SLA: variants seen among roughly 807,000 people sequenced by gnomAD.
SLA encodes src-like-adapter.
A neutral mutation model predicts 30.3 loss-of-function variants in SLA; 16 were observed. The ratio of observed to expected loss-of-function variants is 0.53; its 90% CI spans 0.36 to 0.80. The LOEUF (loss-of-function observed/expected upper bound fraction) is 0.80, where lower values mean the gene tolerates loss of function less well. Ranked by LOEUF, SLA falls within the 30% of genes least tolerant of loss-of-function variation. The probability of loss-of-function intolerance (pLI) is 0.01; values close to 1 mark genes in which losing one functional copy is unlikely to be tolerated. For synonymous variants in SLA, 143 were observed against 137.8 expected (o/e 1.04, Z -0.26); for missense variants, 310 against 345.2 (o/e 0.90, Z 0.81).
At chr8:133,084,168 A>C (rs1002543886) in intron 1 of SLA, among the ~76,000 whole-genome samples, 2 of 152,180 alleles carry the variant, frequency 1.3e-5, no homozygotes, top group Non-Finnish European at 2.9e-5. Context: ...GAAGCAAAGA[A>C]AGGAGGGACG....
At chr8:133,044,040 T>C (rs34930402) in intron 7 of SLA, among the ~76,000 whole-genome samples, 11,080 of 152,176 alleles carry the variant, frequency 0.073, 591 homozygotes, top group Admixed American at 0.16. Flanking sequence ...CACGGTGTCC[T>C]TGGGAGGGGG....
intron 2 of SLA, among the ~76,000 whole-genome samples, chr8:133,074,300 A>G (rs1489972650): frequency 6.6e-6 from 1 of 152,092 alleles, no homozygotes. Flanking sequence ...AAGTAGCGCT[A>G]TTGCAATCCC....
chr8:133,102,581 T>A lies in SLA; in HGVS notation c.-347A>T. 1 of 1,551,366 alleles carries A rather than the reference T, an allele frequency of 6.4e-7. No individual in the cohort carries two copies. Among genetic ancestry groups the A allele is most frequent in the Non-Finnish European group, 8.7e-7 (1 of 1,146,656 alleles). On this transcript the variant is annotated 5_prime_UTR_variant, in exon 1 of 9. Coordinates refer to ENST00000338087, the MANE Select transcript of SLA (RefSeq NM_001045556.3). The stretch of plus-strand genomic sequence containing the variant: ...TGGAGCATCAGGGCTGCCTGAGATG[T>A]TCTCCATTCGCAGCAAATGATCTTA...
chr8:133,081,150 G>A (rs115726436), intron 1 of SLA, among the ~76,000 whole-genome samples: 1,908 of 152,336 alleles, frequency 0.013, 33 homozygotes, highest in African/African-American at 0.043. Flanking sequence ...AGCGCAAGGC[G>A]CATAGGACGG....
intron 7 of SLA, among the ~76,000 whole-genome samples, chr8:133,043,843 C>T (rs1039873161): frequency 6.6e-6 from 1 of 152,226 alleles, no homozygotes; most frequent in African/African-American, 2.4e-5. Context: ...GTCAAGCATC[C>T]TGAACCCAGA....
rs563911218 is a variant in SLA, at chr8:133,058,491, C to G, written c.61+1609G>C. ...GAGACTGATGTTTTCATGAGGTTCGCTCAAGCATGCTGCCCCCTCTGCCCC... is the reference window on the plus strand; with the variant it reads ...GAGACTGATGTTTTCATGAGGTTCGGTCAAGCATGCTGCCCCCTCTGCCCC... On this transcript the variant is annotated intron_variant, in intron 3 of 8. Coordinates refer to ENST00000338087, the MANE Select transcript of SLA (RefSeq NM_001045556.3). Among the ~76,000 whole-genome samples, 42 of 152,360 alleles carry G rather than the reference C, an allele frequency of 2.8e-4. No individual in the cohort carries two copies. The South Asian group carries it at 8.7e-3, about 32-fold the overall frequency.
chr8:133,090,115 C>G (rs1847251980), intron 1 of SLA: 1 of 152,294 alleles, frequency 6.6e-6, no homozygotes, highest in Admixed American at 6.5e-5. Context: ...ACTCACTTTG[C>G]CTGGAATAAA....
In SLA at chr8:133,045,011, G is replaced by T. The variant is rs763946614; in HGVS notation, c.457C>A (p.Leu153Met). ...YISPRLTFQCLEDLVNHYSEV... is the reference protein window; with the variant it reads ...YISPRLTFQCMEDLVNHYSEV... ...GAATAGTGGTTCACCAGGTCCTCCA[G>T]GCACTGGAAGGTGAGCCTCGGGGAA... Residue 153 changes from leucine (L) to methionine (M), a missense_variant, in exon 7 of 9, where the codon CTG becomes ATG. Leu to Met is a conservative substitution (Grantham distance 15). Transcript: ENST00000338087. 1 of 1,614,212 alleles carries T rather than the reference G, an allele frequency of 6.2e-7. No homozygotes were observed. Among genetic ancestry groups the T allele is most frequent in the Non-Finnish European group, 8.5e-7 (1 of 1,180,008 alleles).
At chr8:133,070,168 A>G (rs1216719468) in intron 2 of SLA, among the ~76,000 whole-genome samples, 1 of 152,134 alleles carries the variant, frequency 6.6e-6, no homozygotes, top group Non-Finnish European at 1.5e-5. Flanking sequence ...GTGTGTGCCA[A>G]TTTCTGTGGT....
chr8:133,053,699 CA>C (rs2131258942), intron 3 of SLA, among the ~76,000 whole-genome samples: 1 of 152,186 alleles, frequency 6.6e-6, no homozygotes, highest in African/African-American at 2.4e-5. Context: ...ACATTAAAAA[CA>C]AAAACCAACA....
intron 2 of SLA, among the ~76,000 whole-genome samples, chr8:133,072,562 T>C (rs1005387598): frequency 1.3e-5 from 2 of 152,212 alleles, no homozygotes; most frequent in Non-Finnish European, 1.5e-5. Flanking sequence ...GAAGTTTTGA[T>C]GGGAACTTTA....
chr8:133,038,925 T>C (rs1426427646), intron 8 of SLA, among the ~76,000 whole-genome samples, 188 bp from the exon 9 acceptor site: 1 of 152,250 alleles, frequency 6.6e-6, no homozygotes, highest in Non-Finnish European at 1.5e-5. Flanking sequence ...TTGCCCAGGC[T>C]GGAGTGCAGT....
At chr8:133,053,888 C>T (rs1169904189) in intron 3 of SLA, among the ~76,000 whole-genome samples, 1 of 152,186 alleles carries the variant, frequency 6.6e-6, no homozygotes, top group African/African-American at 2.4e-5. Context: ...GGAAACTTTA[C>T]ATCTGGGCTT....
intron 8 of SLA, 38 bp from the exon 9 acceptor site, chr8:133,038,775 AAAAG>A (rs1157771100): frequency 6.9e-7 from 1 of 1,451,420 alleles, no homozygotes; most frequent in Non-Finnish European, 9.6e-7. Flanking sequence ...GAAAGGGAAA[AAAAG>A]AGAGTCATAG....
chr8:133,044,465 C>T (rs1051811762), intron 7 of SLA, among the ~76,000 whole-genome samples: 1 of 152,124 alleles, frequency 6.6e-6, no homozygotes, highest in African/African-American at 2.4e-5. Flanking sequence ...CAGCCTAGCA[C>T]ACAATTAACC....
At chr8:133,061,430 CAT>C (rs199733258) in intron 2 of SLA, among the ~76,000 whole-genome samples, 3,843 of 152,296 alleles carry the variant, frequency 0.025, 80 homozygotes, top group Non-Finnish European at 0.042. Context: ...GCATAGAATA[CAT>C]GTTAGTTATT....
intron 5 of SLA, chr8:133,049,010 C>T (rs967912531): frequency 2.8e-6 from 1 of 361,404 alleles, no homozygotes. Context: ...ATGTGCTTTG[C>T]ATTTCTTTGC....
At chr8:133,100,917 T>C (rs1401643033) in intron 1 of SLA, among the ~76,000 whole-genome samples, 1 of 152,196 alleles carries the variant, frequency 6.6e-6, no homozygotes, top group African/African-American at 2.4e-5. Flanking sequence ...TTATCTCAAC[T>C]GTATGGCTGT....
In SLA at chr8:133,047,865, C is replaced by A; in HGVS notation, c.317G>T (p.Gly106Val). Residue 106 changes from glycine to valine, a missense_variant, in exon 6 of 9, where the codon GGC becomes GTC. Coordinates refer to ENST00000338087, the MANE Select transcript of SLA (RefSeq NM_001045556.3). ...CTCACTCTCTCTGATCATGAAGGAG[C>A]CGACCTTTGTGTCTGGCAGCTGCAG... is the stretch of plus-strand genomic sequence containing the variant. The part of the protein sequence containing the change: ...ELLQLPDTKV[G>V]SFMIRESETK... 1 of 1,611,682 alleles carries A rather than the reference C, an allele frequency of 6.2e-7. No homozygotes were observed. The highest frequency in any genetic ancestry group is 8.5e-7 in the Non-Finnish European group (1 of 1,177,818).
Sources: allele counts gnomAD v4.1 joint callset (sites outside exome capture counted in the v4.1 genomes callset), GRCh38; gene constraint gnomAD v4.1.1; transcripts MANE v1.5; gene names NCBI Gene and HGNC (gene_info 2026-07-23, HGNC 2026-07-21).